The following RNPC3 variants were observed in gnomAD, a reference collection of about 807,000 sequenced individuals.
RNPC3 encodes the protein RNA-binding region-containing protein 3.
A neutral mutation model predicts 67.5 loss-of-function variants in RNPC3; 48 were observed. That is an observed-to-expected ratio of 0.71 (90% confidence interval 0.56 to 0.90). The LOEUF (loss-of-function observed/expected upper bound fraction) is 0.90. RNPC3 is among the 40% of genes least tolerant of loss of function. RNPC3 has a pLI of 0.00. For missense variants in RNPC3, 637 were observed against 626.1 expected, an observed-to-expected ratio of 1.02 and a Z score of -0.19; for synonymous variants, 239 against 210.3, an observed-to-expected ratio of 1.14 and a Z score of -1.18.
At chr1:103,539,901 C>A (rs778306945) in intron 7 of RNPC3, among the ~76,000 whole-genome samples, 2 of 152,068 alleles carry the variant, frequency 1.3e-5, no homozygotes, top group Non-Finnish European at 2.9e-5. Context: ...CTTACTCTTT[C>A]GCCCTAACTG....
At chr1:103,526,617 C>A (rs1650717386) in intron 1 of RNPC3, among the ~76,000 whole-genome samples, 3 of 152,124 alleles carry the variant, frequency 2.0e-5, no homozygotes, top group African/African-American at 7.2e-5. Flanking sequence ...AAATGTGCAT[C>A]AAGGGATTTT....
Position 103,536,122 on chromosome 1 carries a change from T to C in RNPC3, c.556-4T>C. The C allele has an allele frequency of 1.3e-6, 2 of 1,531,218 alleles. No homozygotes were observed. Among genetic ancestry groups the C allele is most frequent in the Non-Finnish European group, 8.8e-7 (1 of 1,141,550 alleles). The allele number at this position is 1,531,218 out of a possible 1,614,324, so 94.9% of individuals were successfully genotyped here. Reference sequence around the variant, plus strand: ...TGTGAATTTAAATGTCTTACCACTTTAAGGTCCTTCATCTTATGAATAAAA... The same window carrying C: ...TGTGAATTTAAATGTCTTACCACTTCAAGGTCCTTCATCTTATGAATAAAA... On this transcript the variant is annotated splice_region_variant and splice_polypyrimidine_tract_variant and intron_variant, in intron 5 of 14. Coordinates refer to ENST00000423855, the MANE Select transcript of RNPC3 (RefSeq NM_017619.4).
rs758523269 is a variant in RNPC3 at position 103,545,151 on chromosome 1, G to A, written c.1207+49G>A. 1.1e-4 allele frequency: 152 copies of A among 1,433,834 alleles called. No homozygotes were observed. The African/African-American group carries it at 2.0e-3, about 19-fold the overall frequency. 88.8% of individuals were successfully genotyped at this position (1,433,834 alleles called of 1,614,324 possible). A position where few individuals can be genotyped will look rare whatever the true frequency, so the allele number is the denominator to read the frequency against. ...CACATATTCCATTTTACATATCTTT[G>A]ACTCTATAGAAACAAAACAAATCTG... is the stretch of plus-strand genomic sequence containing the variant. On this transcript the variant is annotated intron_variant, in intron 10 of 14. Coordinates refer to ENST00000423855, the MANE Select transcript of RNPC3 (RefSeq NM_017619.4).
chr1:103,549,519 G>GA (rs950469793), intron 12 of RNPC3, among the ~76,000 whole-genome samples: 19 of 150,592 alleles, frequency 1.3e-4, no homozygotes, highest in Admixed American at 3.3e-4. Flanking sequence ...TGATTATAAG[G>GA]AAAAAAAAAT....
chr1:103,537,921 A>G (rs776225938), intron 7 of RNPC3, among the ~76,000 whole-genome samples: 3 of 151,948 alleles, frequency 2.0e-5, no homozygotes, highest in Non-Finnish European at 4.4e-5. Flanking sequence ...TCAGCTCACC[A>G]CAGCCTCTGC....
chr1:103,551,907 A>G, intron 14 of RNPC3, 115 bp downstream of exon 14: 1 of 582,356 alleles, frequency 1.7e-6, no homozygotes, highest in Non-Finnish European at 3.0e-6. Context: ...TTTTGAGGAA[A>G]TACCTATCTG....
At chr1:103,539,787 TCAGACTC>T (rs1651077706) in intron 7 of RNPC3, among the ~76,000 whole-genome samples, 1 of 152,190 alleles carries the variant, frequency 6.6e-6, no homozygotes, top group African/African-American at 2.4e-5. Context: ...CCAAAATGCT[TCAGACTC>T]TGTAATTTTT....
At chr1:103,531,462 A>G (rs1220194603) in intron 2 of RNPC3, among the ~76,000 whole-genome samples, 1 of 152,318 alleles carries the variant, frequency 6.6e-6, no homozygotes, top group East Asian at 1.9e-4. Context: ...TTACATTACC[A>G]CCAGCAGTGT....
rs1022006075 is a variant in RNPC3, at chr1:103,550,372, G to T, written c.1362-569G>T. ...GTTTGCAGCCAGTGCGGTGGTCCAC[G>T]CCTGTAATCCCAGCACTTTGGGAGG... On this transcript the variant is annotated intron_variant, in intron 12 of 14. Transcript: ENST00000423855. Among the ~76,000 whole-genome samples, 4 of 151,846 alleles carry T rather than the reference G, an allele frequency of 2.6e-5. No homozygotes were observed. In the South Asian group the frequency reaches 8.3e-4, roughly 32 times the overall value.
chr1:103,528,256 G>A (rs556567941), intron 2 of RNPC3, among the ~76,000 whole-genome samples: 1 of 152,290 alleles, frequency 6.6e-6, no homozygotes, highest in South Asian at 2.1e-4. Context: ...TTGAGTCTGG[G>A]AGAGAGGTAT....
At chr1:103,554,849 A>G (rs899728476) in intron 14 of RNPC3, 185 bp from the exon 15 acceptor site, 1 of 152,594 alleles carries the variant, frequency 6.6e-6, no homozygotes, top group Non-Finnish European at 1.5e-5. Flanking sequence ...TTCTGTAGGC[A>G]TAGTTAAAAA....
chr1:103,532,926 T>C (rs373817919), intron 2 of RNPC3, among the ~76,000 whole-genome samples: 5 of 152,138 alleles, frequency 3.3e-5, no homozygotes, highest in African/African-American at 1.2e-4. Context: ...TTAGATAGCT[T>C]GTACAGAGTT....
At chr1:103,544,846 AGAT>A in intron 9 of RNPC3, 92 bp from the exon 10 acceptor site, 1 of 654,520 alleles carries the variant, frequency 1.5e-6, no homozygotes, top group Non-Finnish European at 2.4e-6. Flanking sequence ...TAGTGCCAGA[AGAT>A]ATATTATTGA....
chr1:103,535,718 G>C (rs928306951), intron 5 of RNPC3, among the ~76,000 whole-genome samples: 2 of 151,992 alleles, frequency 1.3e-5, no homozygotes, highest in African/African-American at 4.8e-5. Flanking sequence ...TAAAAGAAAA[G>C]TTATAGTAGA....
intron 2 of RNPC3, among the ~76,000 whole-genome samples, chr1:103,531,738 T>G (rs973848705): frequency 1.3e-5 from 2 of 152,096 alleles, no homozygotes. Flanking sequence ...ACATTAGTGG[T>G]TTTTTTGGAT....
At chr1:103,541,086 C>T (rs1166163013) in intron 7 of RNPC3, among the ~76,000 whole-genome samples, 2 of 152,078 alleles carry the variant, frequency 1.3e-5, no homozygotes, top group Non-Finnish European at 2.9e-5. Flanking sequence ...ATGAAACATA[C>T]ATTTTAAAAA....
chr1:103,527,860 C>T, intron 2 of RNPC3, 118 bp downstream of exon 2: 1 of 674,654 alleles, frequency 1.5e-6, no homozygotes, highest in Non-Finnish European at 2.5e-6. Flanking sequence ...CAACAGTTTC[C>T]CCAACAGACT....
Position 103,551,732 on chromosome 1 carries a change from A to G in RNPC3, c.1506A>G (p.Arg502=). 1.3e-6 allele frequency: 2 copies of G among 1,531,302 alleles called. No homozygotes were observed. The highest frequency in any genetic ancestry group is 8.8e-7 in the Non-Finnish European group (1 of 1,135,196). 94.9% of individuals were successfully genotyped at this position (1,531,302 alleles called of 1,614,324 possible). A position where few individuals can be genotyped will look rare whatever the true frequency, so the allele number is the denominator to read the frequency against. The part of the protein sequence containing the change: ...FGKPMVVQFA[R]SARPKQDPKE... Reference sequence around the variant, plus strand: ...TTTTAAATTATTAGCAGTTTGCTCGATCTGCTAGACCAAAACAAGATCCTA... The same window carrying G: ...TTTTAAATTATTAGCAGTTTGCTCGGTCTGCTAGACCAAAACAAGATCCTA... Residue 502 remains arginine, a synonymous_variant, in exon 14 of 15, where the codon CGA becomes CGG. Transcript: ENST00000423855.
In RNPC3 at chr1:103,526,228, A is replaced by C. The variant is rs780787927; in HGVS notation, c.158A>C (p.Gln53Pro). The change falls in exon 1 of 15, where the codon CAG becomes CCG. Residue 53 changes from glutamine (Q) to proline (P), a missense_variant. By Grantham distance (76) the Gln-to-Pro change is moderately conservative. This residue lies in a region of RNPC3 where 536 missense variants were observed against 500.3 expected (regional missense o/e 1.07). Transcript: ENST00000423855. ...GACTTGCTGAAGTACTTCGGGGCTC[A>C]GTCTGTGCGGGTCCTGTCAGATAAG... ...KEDLLKYFGA[Q>P]SVRVLSDKGR... 2 of 1,551,024 alleles carry C rather than the reference A, an allele frequency of 1.3e-6. No individual in the cohort carries two copies. The highest frequency in any genetic ancestry group is 2.7e-5 in the African/African-American group (2 of 73,006).
Sources: gnomAD v4.1 joint callset for allele counts (sites outside exome capture counted in the v4.1 genomes callset) on GRCh38, gnomAD v4.1.1 for gene constraint, gnomAD v4.1.1 regional missense constraint, MANE v1.5 for transcripts, NCBI Gene and HGNC (gene_info 2026-07-23, HGNC 2026-07-21) for gene names.